The following ACER1 variants were observed in gnomAD, a reference collection of about 807,000 sequenced individuals.
ACER1 encodes CTB-180A7.3.
ACER1 carries 28 observed loss-of-function variants against 24.9 expected under a neutral mutation model. That is an observed-to-expected ratio of 1.13 (90% confidence interval 0.83 to 1.54). The LOEUF (loss-of-function observed/expected upper bound fraction) is 1.54, where lower values mean the gene tolerates loss of function less well. ACER1 is among the 40% of genes most tolerant of loss of function. The pLI is 0.00. For missense variants in ACER1, 352 were observed against 349.3 expected (o/e 1.01, Z -0.06); for synonymous variants, 132 against 131.4 (o/e 1.00, Z -0.03).
At chr19:6,317,395 C>G (rs1036103164) in intron 1 of ACER1, among the ~76,000 whole-genome samples, 1 of 152,216 alleles carries the variant, frequency 6.6e-6, no homozygotes, top group Non-Finnish European at 1.5e-5. Flanking sequence ...GGACTGCAAG[C>G]GCTTCTCTTC....
chr19:6,347,112 AT>A, the ACER1 span, among the ~76,000 whole-genome samples: 25 of 131,244 alleles, frequency 1.9e-4, no homozygotes, highest in African/African-American at 5.9e-4. Context: ...AAAAAAAAAT[AT>A]ATATATATAT....
upstream of ACER1, among the ~76,000 whole-genome samples, chr19:6,336,832 AAAAAAG>A (rs1568315285): frequency 6.6e-6 from 1 of 150,592 alleles, no homozygotes; most frequent in Non-Finnish European, 1.5e-5. Flanking sequence ...AAAAAAAAAA[AAAAAAG>A]AAAAAGAAAG....
chr19:6,324,540 C>T (rs773724881), intron 1 of ACER1, among the ~76,000 whole-genome samples: 3 of 149,980 alleles, frequency 2.0e-5, no homozygotes, highest in African/African-American at 7.4e-5. Flanking sequence ...GGCAGATCAC[C>T]TGAGGTCGGG....
In ACER1 at chr19:6,318,049, C is replaced by T. The variant is rs185442777; in HGVS notation, c.94-5550G>A. ...ATTTAAAACATGTTCAGGCTGGGCG[C>T]GGTGGCTCACACCTGTAATCCCAGC... On this transcript the variant is annotated intron_variant, in intron 1 of 5. Transcript: ENST00000301452. Among the ~76,000 whole-genome samples the T allele has an allele frequency of 2.1e-3, 323 of 152,090 alleles. 2 individuals carry two copies. Among genetic ancestry groups the T allele is most frequent in the Middle Eastern group, 3.4e-3 (1 of 294 alleles).
At chr19:6,320,787 C>T (rs1169133932) in intron 1 of ACER1, among the ~76,000 whole-genome samples, 1 of 152,016 alleles carries the variant, frequency 6.6e-6, no homozygotes, top group Non-Finnish European at 1.5e-5. Flanking sequence ...TTGATTTCCC[C>T]ATCTGTAAAA....
At chr19:6,312,667 C>CT (rs35762850) in intron 1 of ACER1, among the ~76,000 whole-genome samples, 168 bp from the exon 2 acceptor site, 129 of 132,380 alleles carry the variant, frequency 9.7e-4, no homozygotes, top group Admixed American at 1.6e-3. Flanking sequence ...TCAGCCGACC[C>CT]TTTTTTTTTT....
At chr19:6,307,809 G>A (rs985975346) in intron 4 of ACER1, among the ~76,000 whole-genome samples, 22 of 147,230 alleles carry the variant, frequency 1.5e-4, no homozygotes, top group African/African-American at 3.0e-4. Flanking sequence ...ATAATAGGCC[G>A]GGCGTGATGG....
chr19:6,309,620 C>T, intron 4 of ACER1, 77 bp downstream of exon 4: 1 of 1,583,238 alleles, frequency 6.3e-7, no homozygotes, highest in South Asian at 1.1e-5. Context: ...AGGGACGTCC[C>T]CTCCGCGAGC....
chr19:6,316,798 C>A (rs913499153), intron 1 of ACER1, among the ~76,000 whole-genome samples: 1 of 142,400 alleles, frequency 7.0e-6, no homozygotes, highest in East Asian at 2.1e-4. Flanking sequence ...CCAGTCTGGG[C>A]GACAGAGCGA....
chr19:6,341,543 A>G, the ACER1 span, among the ~76,000 whole-genome samples: 2 of 151,238 alleles, frequency 1.3e-5, no homozygotes, highest in Non-Finnish European at 2.9e-5. Flanking sequence ...AAAAAGAAAA[A>G]AAAAGAAAAA....
upstream of ACER1, among the ~76,000 whole-genome samples, chr19:6,337,661 CTTTTTT>C (rs1192304687): frequency 8.5e-3 from 221 of 25,946 alleles, 4 homozygotes; most frequent in African/African-American, 0.031. Flanking sequence ...TTCTTTCTTT[CTTTTTT>C]TTTTTTTTTT....
At chr19:6,341,303 C>T in the ACER1 span, among the ~76,000 whole-genome samples, 2 of 149,976 alleles carry the variant, frequency 1.3e-5, no homozygotes, top group Non-Finnish European at 1.5e-5. Context: ...GAGCGAGACT[C>T]CATCTCAAAA....
intron 1 of ACER1, among the ~76,000 whole-genome samples, chr19:6,326,462 G>C (rs2091662546): frequency 1.3e-5 from 2 of 151,384 alleles, no homozygotes; most frequent in Admixed American, 6.6e-5. Flanking sequence ...ATGGGGTCTT[G>C]CTATATTGCC....
the ACER1 span, among the ~76,000 whole-genome samples, chr19:6,357,454 G>T: frequency 1.3e-5 from 2 of 151,798 alleles, no homozygotes; most frequent in East Asian, 1.9e-4. Flanking sequence ...GGGTCAGCAG[G>T]GGGGACGGGG....
At chr19:6,324,872 G>A (rs896186266) in intron 1 of ACER1, among the ~76,000 whole-genome samples, 21 of 109,386 alleles carry the variant, frequency 1.9e-4, no homozygotes, top group African/African-American at 9.4e-4. Context: ...AGGAAGGAAG[G>A]AAGGAAGGAA....
intron 1 of ACER1, among the ~76,000 whole-genome samples, chr19:6,333,002 A>G (rs1029408977): frequency 5.9e-5 from 9 of 152,100 alleles, no homozygotes; most frequent in African/African-American, 1.7e-4. Context: ...TGAAACCAGG[A>G]TAGTCCCAGG....
upstream of ACER1, chr19:6,333,752 T>A: frequency 7.5e-6 from 4 of 531,202 alleles, no homozygotes; most frequent in Non-Finnish European, 1.4e-5. Flanking sequence ...GCATAAGCCG[T>A]GGGACTGGCA....
the ACER1 span, among the ~76,000 whole-genome samples, chr19:6,359,246 G>T: frequency 6.6e-5 from 10 of 151,754 alleles, no homozygotes; most frequent in Non-Finnish European, 1.5e-4. Context: ...CAAAAAAAGA[G>T]TCTACCGCTT....
At chr19:6,315,528 C>T (rs1233031388) in intron 1 of ACER1, among the ~76,000 whole-genome samples, 5 of 152,046 alleles carry the variant, frequency 3.3e-5, no homozygotes, top group South Asian at 4.1e-4. Context: ...TACAGGTGCA[C>T]GCCGCCACAC....
Sources: gnomAD v4.1 joint callset for allele counts (sites outside exome capture counted in the v4.1 genomes callset) on GRCh38, gnomAD v4.1.1 for gene constraint, MANE v1.5 for transcripts, NCBI Gene and HGNC (gene_info 2026-07-23, HGNC 2026-07-21) for gene names.